The following PI4K2A variants were observed in gnomAD, a reference collection of about 807,000 sequenced individuals.
PI4K2A encodes the protein phosphatidylinositol 4-kinase type 2-alpha.
Under a neutral mutation model 55.0 loss-of-function variants are expected in PI4K2A, and 20 were observed. The ratio of observed to expected loss-of-function variants is 0.36; its 90% CI spans 0.26 to 0.53. The LOEUF (loss-of-function observed/expected upper bound fraction) is 0.53, where lower values mean the gene tolerates loss of function less well. Among genes scored for constraint, PI4K2A ranks in the 20% least tolerant of loss-of-function variants. The pLI, the probability that PI4K2A is intolerant of heterozygous loss-of-function variation, is 0.91. For synonymous variants in PI4K2A, 235 were observed against 258.5 expected, an observed-to-expected ratio of 0.91 and a Z score of 0.87; for missense variants, 463 against 637.1, an observed-to-expected ratio of 0.73 and a Z score of 2.94.
intron 8 of PI4K2A, among the ~76,000 whole-genome samples, chr10:97,669,161 C>T (rs761116585): frequency 2.0e-5 from 3 of 152,048 alleles, no homozygotes; most frequent in Non-Finnish European, 4.4e-5. Context: ...CCACTGAGCC[C>T]GGCCTGGACA....
chr10:97,640,716 CG>C (rs2041462177), exon 1 of PI4K2A: 2 of 1,442,036 alleles, frequency 1.4e-6, no homozygotes, highest in African/African-American at 1.5e-5. Flanking sequence ...TGGAGCGCGC[CG>C]GGTCCCGGAG....
At chr10:97,668,021 C>T (rs1424159013) in intron 8 of PI4K2A, among the ~76,000 whole-genome samples, 1 of 152,080 alleles carries the variant, frequency 6.6e-6, no homozygotes, top group Non-Finnish European at 1.5e-5. Flanking sequence ...CTAAGGAAAC[C>T]AAGGGGATTG....
rs745487521 is a variant in PI4K2A, at chr10:97,656,329, C to T, written c.681C>T (p.Asp227=). Residue 227 remains aspartate (D), a synonymous_variant, in exon 3 of 9, where the codon GAC becomes GAT. Transcript: ENST00000370631. This position sits in a 1 kb window ranked among gnomAD's most constrained non-coding sequence, Gnocchi z 4.5. ...AGACCTTCAACTATAGTGCCATTGA[C>T]CGAGTGAAGTCCAGGGGCAAGCGGC... is the stretch of plus-strand genomic sequence containing the variant. 1.2e-6 allele frequency: 2 copies of T among 1,613,480 alleles called. No homozygotes were observed. The highest frequency in any genetic ancestry group is 1.7e-6 in the Non-Finnish European group (2 of 1,179,442).
intron 8 of PI4K2A, among the ~76,000 whole-genome samples, chr10:97,672,406 A>G (rs1340456482): frequency 1.3e-5 from 2 of 152,128 alleles, no homozygotes; most frequent in East Asian, 3.8e-4. Flanking sequence ...TTTTTTCTAC[A>G]CTATAGTTAG....
intron 1 of PI4K2A, among the ~76,000 whole-genome samples, chr10:97,643,123 A>G (rs2041487042): frequency 6.6e-6 from 1 of 151,432 alleles, no homozygotes; most frequent in African/African-American, 2.4e-5. Flanking sequence ...AGTAGCTGGG[A>G]CTACAGGCAC....
chr10:97,642,630 C>A (rs1299788739), intron 1 of PI4K2A, among the ~76,000 whole-genome samples: 1 of 151,924 alleles, frequency 6.6e-6, no homozygotes, highest in Non-Finnish European at 1.5e-5. Flanking sequence ...ACCTTGTGAT[C>A]TGCCCACCTC....
intron 1 of PI4K2A, 79 bp from the exon 2 acceptor site, chr10:97,650,862 C>T (rs1299527101): frequency 2.8e-6 from 3 of 1,057,994 alleles, no homozygotes; most frequent in Non-Finnish European, 4.3e-6. Flanking sequence ...TCATTTCTTT[C>T]CAGATTCCTG....
intron 4 of PI4K2A, among the ~76,000 whole-genome samples, chr10:97,657,958 T>C (rs1013444784): frequency 1.3e-5 from 2 of 152,042 alleles, no homozygotes; most frequent in African/African-American, 4.8e-5. Flanking sequence ...ACCTCAGCCT[T>C]CTGAGTAGCT....
At chr10:97,640,802 C>G (rs774390920) in exon 1 of PI4K2A, 2 of 1,487,396 alleles carry the variant, frequency 1.3e-6, no homozygotes, top group South Asian at 2.6e-5. Context: ...ACTACACCTT[C>G]CCGTCGGGCT....
exon 9 of PI4K2A, chr10:97,675,957 TG>T (rs532505335): frequency 6.6e-5 from 10 of 152,664 alleles, no homozygotes; most frequent in Non-Finnish European, 1.5e-4. Flanking sequence ...GCGAGAGTGT[TG>T]CTGCCCCCTG....
rs371681790 is a variant in PI4K2A at position 97,662,966 on chromosome 10, C to T, written c.982C>T (p.Arg328Trp). The change falls in exon 5 of 9, where the codon CGG becomes TGG. Residue 328 changes from arginine to tryptophan, a missense_variant and splice_region_variant. By Grantham distance (101) the Arg-to-Trp change is moderately radical. Transcript: ENST00000370631. ...CTGTCCAATGGATAGTTCTAGCTCTCGGGTAAGAGACTGAGATAAATCTTA... is the reference window on the plus strand; with the variant it reads ...CTGTCCAATGGATAGTTCTAGCTCTTGGGTAAGAGACTGAGATAAATCTTA... 8.2e-6 allele frequency: 13 copies of T among 1,580,710 alleles called. No homozygotes were observed. The highest frequency in any genetic ancestry group is 2.2e-5 in the South Asian group (2 of 90,346).
At position 97,642,865 on chromosome 10, in the gene PI4K2A, T is replaced by TTCTTTCTTTCTTTCTTTCTTTC. The variant is rs1554878117; in HGVS notation, c.435+1689_435+1690insCTTTCTTTCTTTCTTTCTTTCT. On this transcript the variant is annotated intron_variant, in intron 1 of 8. Coordinates refer to ENST00000370631, the Ensembl canonical transcript of PI4K2A. ...TTCCTTCCTTCCTTTCTTTCTTTCT[T>TTCTTTCTTTCTTTCTTTCTTTC]TTTCTTTCTTTCTTTCTTTCTTCCT... Among the ~76,000 whole-genome samples, 248 of 53,686 alleles carry TTCTTTCTTTCTTTCTTTCTTTC rather than the reference T, an allele frequency of 4.6e-3. 27 individuals are homozygous for TTCTTTCTTTCTTTCTTTCTTTC. The highest frequency in any genetic ancestry group is 7.5e-3 in the Non-Finnish European group (188 of 25,006). 35.2% of individuals were successfully genotyped at this position (53,686 alleles called of 152,430 possible).
intron 8 of PI4K2A, among the ~76,000 whole-genome samples, chr10:97,667,359 G>A (rs574762751): frequency 6.6e-6 from 1 of 152,208 alleles, no homozygotes; most frequent in East Asian, 1.9e-4. Flanking sequence ...ACAGGCGCAT[G>A]TCACAACGCC....
chr10:97,655,782 C>G (rs2041551695), intron 2 of PI4K2A, among the ~76,000 whole-genome samples: 1 of 152,030 alleles, frequency 6.6e-6, no homozygotes, highest in South Asian at 2.1e-4. Flanking sequence ...ACCATGTTGG[C>G]CAGGCTGGTC....
exon 2 of PI4K2A, chr10:97,651,086 C>G (rs2041528140): frequency 4.3e-6 from 7 of 1,613,950 alleles, no homozygotes; most frequent in Non-Finnish European, 5.9e-6. Flanking sequence ...CTCTCAGAAG[C>G]AGGGGCCAGC....
rs547459608 is a variant in PI4K2A, at chr10:97,646,257, C to T, written c.436-4684C>T. On this transcript the variant is annotated intron_variant, in intron 1 of 8. Coordinates refer to ENST00000370631, the Ensembl canonical transcript of PI4K2A. ...TTTTTGAGATGGAGCCTCACTCTGT[C>T]GCTCAGGCTAGATCAGGCATGATCT... 1.8e-4 allele frequency among the ~76,000 whole-genome samples: 26 copies of T among 147,590 alleles called. No individual in the cohort carries two copies. In the South Asian group the frequency reaches 3.4e-3, roughly 19 times the overall value.
At chr10:97,640,713 C>A in exon 1 of PI4K2A, 1 of 1,433,172 alleles carries the variant, frequency 7.0e-7, no homozygotes, top group Non-Finnish European at 9.2e-7. Context: ...GTGTGGAGCG[C>A]GCCGGGTCCC....
At chr10:97,661,226 C>T (rs1292440138) in intron 4 of PI4K2A, among the ~76,000 whole-genome samples, 4 of 152,188 alleles carry the variant, frequency 2.6e-5, no homozygotes, top group Non-Finnish European at 2.9e-5. Context: ...CTCCTGACCT[C>T]GTGATCCGCC....
chr10:97,658,211 C>G (rs1183174025), intron 4 of PI4K2A, among the ~76,000 whole-genome samples: 1 of 152,186 alleles, frequency 6.6e-6, no homozygotes, highest in Non-Finnish European at 1.5e-5. Context: ...CCCTACGTCC[C>G]TGGCAACAAT....
Sources: gnomAD v4.1 joint callset for allele counts (sites outside exome capture counted in the v4.1 genomes callset) on GRCh38, gnomAD v4.1.1 for gene constraint, Gnocchi (gnomAD v3.1) non-coding constraint, MANE v1.5 for transcripts, NCBI Gene and HGNC (gene_info 2026-07-23, HGNC 2026-07-21) for gene names.